UNC5D: variants seen among roughly 807,000 people sequenced by gnomAD.
UNC5D encodes the protein unc-5 netrin receptor D, also known as netrin receptor UNC5D.
Under a neutral mutation model 105.4 loss-of-function variants are expected in UNC5D, and 39 were observed. The ratio of observed to expected loss-of-function variants is 0.37; its 90% CI spans 0.29 to 0.48. The LOEUF (loss-of-function observed/expected upper bound fraction) is 0.48. Ranked by LOEUF, UNC5D falls within the 20% of genes least tolerant of loss-of-function variation. The probability of loss-of-function intolerance (pLI) is 0.98; values close to 1 mark genes in which losing one functional copy is unlikely to be tolerated. For synonymous variants in UNC5D, 452 were observed against 450.4 expected (o/e 1.00, Z -0.04); for missense variants, 991 against 1,202.4 (o/e 0.82, Z 2.60).
chr8:35,462,860 C>T (rs892725459), intron 1 of UNC5D, among the ~76,000 whole-genome samples: 2 of 152,118 alleles, frequency 1.3e-5, no homozygotes, highest in Non-Finnish European at 2.9e-5. Context: ...ATATCTCCAT[C>T]CCCCAATTTA....
intron 8 of UNC5D, among the ~76,000 whole-genome samples, chr8:35,715,794 GA>G (rs1183191680): frequency 1.4e-5 from 2 of 146,636 alleles, no homozygotes; most frequent in East Asian, 4.0e-4. Flanking sequence ...TCAGGGAACA[GA>G]AAAAAAAAAG....
chr8:35,763,953 C>G (rs547790836), intron 14 of UNC5D, among the ~76,000 whole-genome samples: 1 of 152,222 alleles, frequency 6.6e-6, no homozygotes, highest in South Asian at 2.1e-4. Flanking sequence ...ATTGCCTGCC[C>G]CCAATCATTA....
intron 4 of UNC5D, among the ~76,000 whole-genome samples, chr8:35,646,439 G>A (rs1395768616): frequency 6.6e-6 from 1 of 151,998 alleles, no homozygotes; most frequent in Non-Finnish European, 1.5e-5. Flanking sequence ...ATTTCTTTCT[G>A]ATTTCATCTT....
intron 16 of UNC5D, among the ~76,000 whole-genome samples, chr8:35,784,847 G>C (rs1370059088): frequency 6.6e-6 from 1 of 152,008 alleles, no homozygotes; most frequent in Non-Finnish European, 1.5e-5. Context: ...TTAGTTTTCA[G>C]AATTACCTCC....
At chr8:35,493,773 A>G (rs977990819) in intron 1 of UNC5D, among the ~76,000 whole-genome samples, 1 of 152,132 alleles carries the variant, frequency 6.6e-6, no homozygotes, top group Non-Finnish European at 1.5e-5. Flanking sequence ...ATGGGTTTCA[A>G]TGGAGACTTT....
intron 1 of UNC5D, among the ~76,000 whole-genome samples, chr8:35,412,671 G>A (rs1398985039): frequency 2.0e-5 from 3 of 152,028 alleles, no homozygotes; most frequent in Non-Finnish European, 4.4e-5. Context: ...GCACTATGAG[G>A]CCTTTAGGAA....
chr8:35,524,719 T>C (rs1174431879), intron 1 of UNC5D, among the ~76,000 whole-genome samples: 2 of 151,036 alleles, frequency 1.3e-5, no homozygotes, highest in East Asian at 3.9e-4. Context: ...CGTTTGCTGC[T>C]CTGGTCTCAA....
chr8:35,467,134 A>T (rs1206194866), intron 1 of UNC5D, among the ~76,000 whole-genome samples: 1 of 152,190 alleles, frequency 6.6e-6, no homozygotes, highest in Non-Finnish European at 1.5e-5. Flanking sequence ...GCAGGTTTTG[A>T]GTGTGTAAGT....
At chr8:35,523,239 C>G (rs575901273) in intron 1 of UNC5D, among the ~76,000 whole-genome samples, 1 of 151,968 alleles carries the variant, frequency 6.6e-6, no homozygotes, top group East Asian at 1.9e-4. Flanking sequence ...CACACCACCA[C>G]GTCTAGCTAA....
intron 1 of UNC5D, among the ~76,000 whole-genome samples, chr8:35,473,718 CAT>C (rs76831507): frequency 3.5e-3 from 537 of 152,238 alleles, no homozygotes; most frequent in Non-Finnish European, 5.8e-3. Context: ...AAAAATCTAA[CAT>C]ATGTGGACAC....
At chr8:35,785,665 T>C (rs1354828870) in intron 16 of UNC5D, among the ~76,000 whole-genome samples, 2 of 152,150 alleles carry the variant, frequency 1.3e-5, no homozygotes, top group African/African-American at 2.4e-5. Flanking sequence ...CGAGCCTATA[T>C]ATTATTCTAT....
chr8:35,386,400 G>A (rs112760485), intron 1 of UNC5D, among the ~76,000 whole-genome samples: 1 of 152,122 alleles, frequency 6.6e-6, no homozygotes, highest in Non-Finnish European at 1.5e-5. Context: ...AAATCAATCG[G>A]TTGACTTTCT....
chr8:35,604,070 A>G (rs1820093925), intron 4 of UNC5D, among the ~76,000 whole-genome samples: 1 of 152,130 alleles, frequency 6.6e-6, no homozygotes, highest in Admixed American at 6.5e-5. Context: ...TTATGTGTGA[A>G]TTTGATCCTG....
chr8:35,772,485 C>T (rs532654870), intron 15 of UNC5D, among the ~76,000 whole-genome samples: 141 of 152,248 alleles, frequency 9.3e-4, no homozygotes, highest in African/African-American at 3.2e-3. Flanking sequence ...GTGGTGCCCA[C>T]ATTAGGAAGA....
intron 1 of UNC5D, among the ~76,000 whole-genome samples, chr8:35,437,692 GC>G (rs1283961419): frequency 6.6e-6 from 1 of 152,010 alleles, no homozygotes; most frequent in Admixed American, 6.6e-5. Flanking sequence ...ATCTAAGAAG[GC>G]TATAGAAAAG....
chr8:35,477,624 T>C (rs1021387193), intron 1 of UNC5D, among the ~76,000 whole-genome samples: 1 of 151,982 alleles, frequency 6.6e-6, no homozygotes, highest in African/African-American at 2.4e-5. Flanking sequence ...GGCTACTAAG[T>C]AACATGGAAA....
At chr8:35,714,566 G>C (rs999256755) in intron 8 of UNC5D, among the ~76,000 whole-genome samples, 1 of 152,178 alleles carries the variant, frequency 6.6e-6, no homozygotes, top group African/African-American at 2.4e-5. Context: ...GGAGAATGAA[G>C]GGTAGTTACT....
At chr8:35,566,278 T>C (rs1817331600) in intron 2 of UNC5D, among the ~76,000 whole-genome samples, 1 of 152,168 alleles carries the variant, frequency 6.6e-6, no homozygotes, top group South Asian at 2.1e-4. Context: ...ACGTTATTAA[T>C]TGAGTGGAAG....
At position 35,372,789 on chromosome 8, in the gene UNC5D, G is replaced by C. The variant is rs550851248; in HGVS notation, c.103+136902G>C. 1.2e-4 allele frequency among the ~76,000 whole-genome samples: 19 copies of C among 152,112 alleles called. No individual in the cohort carries two copies. In the South Asian group the frequency reaches 2.1e-3, roughly 17 times the overall value. The stretch of plus-strand genomic sequence containing the variant: ...CAGCTAATTTAAAACACACTTTAGA[G>C]ATGGAGTCTCACATTTTACCCAGGC... On this transcript the variant is annotated intron_variant, in intron 1 of 16. Coordinates refer to ENST00000404895, the MANE Select transcript of UNC5D (RefSeq NM_080872.4).
Sources: gnomAD v4.1 joint callset for allele counts (sites outside exome capture counted in the v4.1 genomes callset) on GRCh38, gnomAD v4.1.1 for gene constraint, MANE v1.5 for transcripts, NCBI Gene and HGNC (gene_info 2026-07-23, HGNC 2026-07-21) for gene names.